Variants in RAMP1 observed in about 807,000 individuals in gnomAD.
RAMP1 encodes the protein receptor activity modifying protein 1.
RAMP1 carries 7 observed loss-of-function variants against 8.2 expected under a neutral mutation model. That is an observed-to-expected ratio of 0.85 (90% CI 0.49 to 1.60). The LOEUF (loss-of-function observed/expected upper bound fraction) is 1.60. Among genes scored for constraint, RAMP1 ranks in the 40% most tolerant of loss-of-function variants. The pLI is 0.00. For missense variants in RAMP1, 192 were observed against 202.4 expected (o/e 0.95, Z 0.31); for synonymous variants, 92 against 84.7 (o/e 1.09, Z -0.47).
At chr2:237,907,896 T>C (rs2062668889) in intron 2 of RAMP1, among the ~76,000 whole-genome samples, 1 of 152,244 alleles carries the variant, frequency 6.6e-6, no homozygotes, top group Admixed American at 6.5e-5. Flanking sequence ...CATTCATGTA[T>C]AGAACAGAGG....
intron 2 of RAMP1, among the ~76,000 whole-genome samples, chr2:237,907,494 C>T (rs560742687): frequency 1.2e-4 from 19 of 152,206 alleles, no homozygotes; most frequent in Non-Finnish European, 2.2e-4. Context: ...TTCTTGGATG[C>T]TCTGGTTTTC....
Position 237,890,685 on chromosome 2 carries a change from T to C in RAMP1, c.191+13323T>C, listed in dbSNP as rs138797172. Reference sequence around the variant, plus strand: ...TCTTCATCTGTGTTTATTTGGTCTATGTCCTTCAGATTTCTCAGTTAACTG... The same window carrying C: ...TCTTCATCTGTGTTTATTTGGTCTACGTCCTTCAGATTTCTCAGTTAACTG... On this transcript the variant is annotated intron_variant, in intron 2 of 2. Coordinates refer to ENST00000254661, the MANE Select transcript of RAMP1 (RefSeq NM_005855.4). Among the ~76,000 whole-genome samples, 166 of 152,392 alleles carry C rather than the reference T, an allele frequency of 1.1e-3. 2 individuals are homozygous for C. In the East Asian group the frequency reaches 0.028, roughly 26 times the overall value.
intron 2 of RAMP1, among the ~76,000 whole-genome samples, chr2:237,894,455 G>A (rs1281071984): frequency 1.3e-5 from 2 of 152,224 alleles, no homozygotes; most frequent in Non-Finnish European, 2.9e-5. Flanking sequence ...GCTAGGCCAG[G>A]GCGAGGCTGG....
intron 1 of RAMP1, among the ~76,000 whole-genome samples, chr2:237,868,945 G>A (rs1382664323): frequency 1.3e-5 from 2 of 152,160 alleles, no homozygotes; most frequent in African/African-American, 4.8e-5. Context: ...TGTGCATTGC[G>A]GGTTCTTTCT....
intron 2 of RAMP1, among the ~76,000 whole-genome samples, chr2:237,898,092 C>T (rs1303270162): frequency 1.3e-5 from 2 of 152,184 alleles, no homozygotes; most frequent in African/African-American, 4.8e-5. Context: ...AACCACTGTG[C>T]CTGGCCAGAT....
chr2:237,882,255 C>A lies in RAMP1; in HGVS notation c.191+4893C>A, dbSNP rs529017575. Among the ~76,000 whole-genome samples the A allele has an allele frequency of 4.6e-5, 7 of 152,314 alleles. No individual in the cohort carries two copies. The East Asian group carries it at 1.3e-3, about 29-fold the overall frequency. On this transcript the variant is annotated intron_variant, in intron 2 of 2. Transcript: ENST00000254661. ...CTTTCCCAAACCTTCCTCATCTCAC[C>A]TGAATCTCATATTGATCTATTCTCC...
At chr2:237,910,740 A>G (rs371804740) in intron 2 of RAMP1, among the ~76,000 whole-genome samples, 2,103 of 151,996 alleles carry the variant, frequency 0.014, 49 homozygotes, top group African/African-American at 0.048. Context: ...AGTAACACAC[A>G]GTCACACAGA....
chr2:237,879,437 C>T (rs2062342979), intron 2 of RAMP1, among the ~76,000 whole-genome samples: 1 of 151,504 alleles, frequency 6.6e-6, no homozygotes, highest in Non-Finnish European at 1.5e-5. Context: ...AGCCGAGTGG[C>T]CATAGCTGGA....
At chr2:237,886,708 C>T (rs541184553) in intron 2 of RAMP1, among the ~76,000 whole-genome samples, 21 of 152,356 alleles carry the variant, frequency 1.4e-4, no homozygotes, top group African/African-American at 5.1e-4. Context: ...TGACTTAGCG[C>T]GGAGCGTGGC....
At position 237,859,705 on chromosome 2, in the gene RAMP1, G is replaced by A; in HGVS notation, c.30G>A (p.Arg10=). 1 of 1,513,182 alleles carries A rather than the reference G, an allele frequency of 6.6e-7. No individual in the cohort carries two copies. Among genetic ancestry groups the A allele is most frequent in the Non-Finnish European group, 8.8e-7 (1 of 1,131,486 alleles). 93.7% of individuals were successfully genotyped at this position (1,513,182 alleles called of 1,614,324 possible). Reference sequence around the variant, plus strand: ...CCCGGGCCCTGTGCCGCCTCCCGCGGCGCGGCCTCTGGCTGCTCCTGGGTG... The same window carrying A: ...CCCGGGCCCTGTGCCGCCTCCCGCGACGCGGCCTCTGGCTGCTCCTGGGTG... MARALCRLP[R]RGLWLLLAHH... The change falls in exon 1 of 3, where the codon CGG becomes CGA. Residue 10 remains arginine (R), a synonymous_variant. Transcript: ENST00000254661.
intron 1 of RAMP1, among the ~76,000 whole-genome samples, chr2:237,876,859 C>T (rs982751945): frequency 3.9e-5 from 6 of 152,142 alleles, no homozygotes; most frequent in Non-Finnish European, 8.8e-5. Flanking sequence ...CTGGGGGGCA[C>T]AGCCCAGCCC....
chr2:237,895,281 T>TG (rs373428221), intron 2 of RAMP1, among the ~76,000 whole-genome samples: 144 of 152,124 alleles, frequency 9.5e-4, no homozygotes, highest in African/African-American at 2.2e-3. Context: ...AGGGGTCCTG[T>TG]GGGGGGGTCA....
At chr2:237,911,405 CGG>C in intron 2 of RAMP1, 121 bp from the exon 3 acceptor site, 1 of 1,364,778 alleles carries the variant, frequency 7.3e-7, no homozygotes, top group Non-Finnish European at 1.0e-6. Context: ...GCCTCGGCGT[CGG>C]GGCTTCTCCG....
Position 237,902,177 on chromosome 2 carries a change from C to T in RAMP1, c.192-9351C>T, listed in dbSNP as rs73094332. Among the ~76,000 whole-genome samples the T allele has an allele frequency of 1.8e-3, 277 of 152,028 alleles. 2 individuals carry two copies. The highest frequency in any genetic ancestry group is 5.7e-3 in the African/African-American group (236 of 41,454). ...TCTCCTCCGGGGGCTGGTAAGGGCCCGGGGTCTTCAGTGAGTGAGGATGCC... is the reference window on the plus strand; with the variant it reads ...TCTCCTCCGGGGGCTGGTAAGGGCCTGGGGTCTTCAGTGAGTGAGGATGCC... On this transcript the variant is annotated intron_variant, in intron 2 of 2. Coordinates refer to ENST00000254661, the MANE Select transcript of RAMP1 (RefSeq NM_005855.4).
rs551703984 is a variant in RAMP1 at position 237,874,156 on chromosome 2, G to A, written c.53-3068G>A. On this transcript the variant is annotated intron_variant, in intron 1 of 2. Coordinates refer to ENST00000254661, the MANE Select transcript of RAMP1 (RefSeq NM_005855.4). ...CAGACCCGGACAGGGGATTGCATGG[G>A]TGGTGGAAGCTAGAACTGGCTGGGC... Among the ~76,000 whole-genome samples, 17 of 152,390 alleles carry A rather than the reference G, an allele frequency of 1.1e-4. No homozygotes were observed. In the South Asian group the frequency reaches 3.1e-3, roughly 28 times the overall value.
intron 1 of RAMP1, among the ~76,000 whole-genome samples, chr2:237,860,770 G>A (rs928988367): frequency 1.3e-5 from 2 of 152,200 alleles, no homozygotes; most frequent in Non-Finnish European, 2.9e-5. Context: ...GGCAAGCAGG[G>A]ACCACCGGCG....
chr2:237,885,081 C>G (rs915281217), intron 2 of RAMP1, among the ~76,000 whole-genome samples: 2 of 152,276 alleles, frequency 1.3e-5, no homozygotes, highest in Non-Finnish European at 2.9e-5. Context: ...TCCTTCCCAG[C>G]CTGCTGCATT....
chr2:237,878,571 G>A lies in RAMP1; in HGVS notation c.191+1209G>A, dbSNP rs1004674800. ...GGGTTTGGGCCTCCCTCTACCCTCA[G>A]AGCCCCGCTGGCCACAGCCTGCCCT... On this transcript the variant is annotated intron_variant, in intron 2 of 2. Transcript: ENST00000254661. The surrounding 1 kb of genome is among the most constrained non-coding windows in gnomAD (Gnocchi z 5.7). Among the ~76,000 whole-genome samples the A allele has an allele frequency of 6.6e-6, 1 of 152,200 alleles. No individual in the cohort carries two copies. Among genetic ancestry groups the A allele is most frequent in the Non-Finnish European group, 1.5e-5 (1 of 68,032 alleles).
At chr2:237,896,337 T>G (rs1319632628) in intron 2 of RAMP1, among the ~76,000 whole-genome samples, 1 of 152,264 alleles carries the variant, frequency 6.6e-6, no homozygotes, top group South Asian at 2.1e-4. Context: ...TGGCTGCACA[T>G]GGAGCCAGGG....
Sources: gnomAD v4.1 joint callset for allele counts (sites outside exome capture counted in the v4.1 genomes callset) on GRCh38, gnomAD v4.1.1 for gene constraint, Gnocchi (gnomAD v3.1) non-coding constraint, MANE v1.5 for transcripts, NCBI Gene and HGNC (gene_info 2026-07-23, HGNC 2026-07-21) for gene names.